YTHDC1: variants seen among roughly 807,000 people sequenced by gnomAD.
YTHDC1 encodes the protein YTH N6-methyladenosine RNA binding protein C1.
A neutral mutation model predicts 107.0 loss-of-function variants in YTHDC1; 12 were observed. The ratio of observed to expected loss-of-function variants is 0.11; its 90% CI spans 0.07 to 0.18. The LOEUF is 0.18. Ranked by LOEUF, YTHDC1 falls within the 10% of genes least tolerant of loss-of-function variation. The pLI, the probability that YTHDC1 is intolerant of heterozygous loss-of-function variation, is 1.00. For synonymous variants in YTHDC1, 280 were observed against 289.5 expected, an observed-to-expected ratio of 0.97 and a Z score of 0.33; for missense variants, 635 against 898.8, an observed-to-expected ratio of 0.71 and a Z score of 3.75.
chr4:68,324,284 C>T, intron 9 of YTHDC1, 61 bp from the exon 10 acceptor site: 1 of 1,423,396 alleles, frequency 7.0e-7, no homozygotes, highest in South Asian at 1.2e-5. Flanking sequence ...CCTTATACTA[C>T]TTTTAGTAGT....
At chr4:68,314,572 C>A (rs1368903396) in intron 16 of YTHDC1, among the ~76,000 whole-genome samples, 5 of 152,156 alleles carry the variant, frequency 3.3e-5, no homozygotes, top group Non-Finnish European at 5.9e-5. Flanking sequence ...TTATTCAAAT[C>A]TCTTTATGCA....
chr4:68,339,584 A>G (rs1459412813), intron 1 of YTHDC1, among the ~76,000 whole-genome samples: 1 of 141,964 alleles, frequency 7.0e-6, no homozygotes, highest in African/African-American at 2.6e-5. Context: ...GGTTCAGGAA[A>G]AAAGTGTGCA....
chr4:68,323,597 G>A (rs577404563), intron 10 of YTHDC1, among the ~76,000 whole-genome samples: 1 of 151,704 alleles, frequency 6.6e-6, no homozygotes, highest in Non-Finnish European at 1.5e-5. Context: ...CTCGTAACCT[G>A]GTTTCCAAAA....
intron 11 of YTHDC1, among the ~76,000 whole-genome samples, chr4:68,321,725 T>A (rs1468854302): frequency 3.3e-5 from 5 of 152,288 alleles, no homozygotes; most frequent in Admixed American, 3.3e-4. Flanking sequence ...GGGACTCTTG[T>A]TGGATTATCT....
intron 5 of YTHDC1, 24 bp from the exon 6 acceptor site, chr4:68,332,871 G>A: frequency 6.2e-7 from 1 of 1,605,506 alleles, no homozygotes; most frequent in Non-Finnish European, 8.5e-7. Context: ...AAGTACATTT[G>A]TTCAGATTGA....
chr4:68,316,346 G>A lies in YTHDC1; in HGVS notation c.1927C>T (p.Pro643Ser). The change falls in exon 16 of 17, where the codon CCA becomes TCA. Residue 643 changes from proline (P) to serine (S), a missense_variant. Pro to Ser is a moderately conservative substitution (Grantham distance 74). Coordinates refer to ENST00000344157, the MANE Select transcript of YTHDC1 (RefSeq NM_001031732.4). ...HPPYSGHHPV[P>S]HEARYRDKRV... The stretch of plus-strand genomic sequence containing the variant: ...TTATCTCTGTATCTTGCTTCATGTG[G>A]TACTGGATGATGTCCTGAGTAAGGG... 1.2e-6 allele frequency: 2 copies of A among 1,613,862 alleles called. No homozygotes were observed. The highest frequency in any genetic ancestry group is 1.7e-6 in the Non-Finnish European group (2 of 1,179,858).
At chr4:68,320,101 T>C (rs1722287124) in intron 12 of YTHDC1, 22 bp downstream of exon 12, 2 of 1,550,792 alleles carry the variant, frequency 1.3e-6, no homozygotes, top group East Asian at 4.5e-5. Context: ...ATCAAATATC[T>C]GCAGGATTAT....
intron 13 of YTHDC1, 23 bp from the exon 14 acceptor site, chr4:68,318,752 A>C: frequency 6.2e-7 from 1 of 1,614,146 alleles, no homozygotes. Context: ...AGATTTGTGA[A>C]ACTAAATTCA....
In YTHDC1 at chr4:68,311,561, T is replaced by A. The variant is rs555436092; in HGVS notation, c.*2538A>T. 6.6e-6 allele frequency: 1 copy of A among 152,188 alleles called. No homozygotes were observed. The highest frequency in any genetic ancestry group is 2.4e-5 in the African/African-American group (1 of 41,452). 9.4% of individuals were successfully genotyped at this position (152,188 alleles called of 1,614,324 possible). A position where few individuals can be genotyped will look rare whatever the true frequency, so the allele number is the denominator to read the frequency against. ...AGCTGTCATGTGTACGAATATTAAATAAAACATACTGATTTTTATATACTG... is the reference window on the plus strand; with the variant it reads ...AGCTGTCATGTGTACGAATATTAAAAAAAACATACTGATTTTTATATACTG... On this transcript the variant is annotated 3_prime_UTR_variant, in exon 17 of 17. Coordinates refer to ENST00000344157, the MANE Select transcript of YTHDC1 (RefSeq NM_001031732.4).
rs995295848 is a variant in YTHDC1, at chr4:68,333,324, T to C, written c.957A>G (p.Ala319=). 3.7e-6 allele frequency: 6 copies of C among 1,612,440 alleles called. No homozygotes were observed. Among genetic ancestry groups the C allele is most frequent in the African/African-American group, 1.3e-5 (1 of 74,834 alleles). The change falls in exon 5 of 17, where the codon GCA becomes GCG. Residue 319 remains alanine, a synonymous_variant. Coordinates refer to ENST00000344157, the MANE Select transcript of YTHDC1 (RefSeq NM_001031732.4). ...TGAGAATACCTGCATATGACTCTGA[T>C]GCAGAGCTTCCACTTCTATCAAAAA... ...PIVFDRSGSS[A]SESYAGSEKK...
At chr4:68,320,017 A>AT in intron 12 of YTHDC1, 106 bp downstream of exon 12, 2 of 967,696 alleles carry the variant, frequency 2.1e-6, no homozygotes, top group Non-Finnish European at 3.0e-6. Flanking sequence ...CAGGTCCTGA[A>AT]TTTTTTTCAC....
intron 7 of YTHDC1, 50 bp from the exon 8 acceptor site, chr4:68,330,360 T>A (rs1005924933): frequency 7.8e-7 from 1 of 1,274,138 alleles, no homozygotes; most frequent in Non-Finnish European, 1.1e-6. Flanking sequence ...ACAACTCTTT[T>A]GTGTTTCCAG....
chr4:68,332,378 A>G (rs1217925643), intron 6 of YTHDC1, among the ~76,000 whole-genome samples, 181 bp from the exon 7 acceptor site: 1 of 152,154 alleles, frequency 6.6e-6, no homozygotes, highest in Non-Finnish European at 1.5e-5. Flanking sequence ...AAAGACAATC[A>G]GCATATTGCA....
intron 4 of YTHDC1, among the ~76,000 whole-genome samples, chr4:68,333,614 A>T (rs375857469): frequency 2.0e-5 from 3 of 152,154 alleles, no homozygotes; most frequent in South Asian, 4.1e-4. Context: ...TCAATCAAAT[A>T]AAAACACACG....
chr4:68,336,987 GCTTT>G (rs773451943), intron 4 of YTHDC1, 36 bp downstream of exon 4: 9 of 1,532,974 alleles, frequency 5.9e-6, no homozygotes, highest in Non-Finnish European at 7.9e-6. Flanking sequence ...AACCTATCAA[GCTTT>G]TTTTAAGACA....
intron 11 of YTHDC1, 81 bp from the exon 12 acceptor site, chr4:68,320,286 T>G (rs1722308453): frequency 2.0e-6 from 2 of 1,020,860 alleles, no homozygotes; most frequent in Non-Finnish European, 2.9e-6. Context: ...CTGACAGAGA[T>G]AAGTACAAAG....
At position 68,316,381 on chromosome 4, in the gene YTHDC1, TGAG is replaced by T; in HGVS notation, c.1889_1891del (p.Pro630del). On this transcript the variant is annotated inframe_deletion, in exon 16 of 17. Coordinates refer to ENST00000344157, the MANE Select transcript of YTHDC1 (RefSeq NM_001031732.4). ...ATGTCCTGAGTAAGGGGGATGAGCT[TGAG>T]GAGGTGGAGCATGGTGCTGATAGTA... is the stretch of plus-strand genomic sequence containing the variant. 1.9e-6 allele frequency: 3 copies of T among 1,614,028 alleles called. No individual in the cohort carries two copies. The highest frequency in any genetic ancestry group is 2.5e-6 in the Non-Finnish European group (3 of 1,179,946).
intron 4 of YTHDC1, 30 bp downstream of exon 4, chr4:68,336,997 A>C (rs1724238894): frequency 6.5e-7 from 1 of 1,538,196 alleles, no homozygotes; most frequent in African/African-American, 1.4e-5. Flanking sequence ...GCTTTTTTTA[A>C]GACAAACTTT....
At chr4:68,338,452 C>A in intron 1 of YTHDC1, 68 bp from the exon 2 acceptor site, 1 of 1,251,656 alleles carries the variant, frequency 8.0e-7, no homozygotes, top group South Asian at 1.4e-5. Flanking sequence ...TGAGTACTTA[C>A]TAAGTGTGAG....
Sources: gnomAD v4.1 joint callset for allele counts (sites outside exome capture counted in the v4.1 genomes callset) on GRCh38, gnomAD v4.1.1 for gene constraint, MANE v1.5 for transcripts, NCBI Gene and HGNC (gene_info 2026-07-23, HGNC 2026-07-21) for gene names.